Variants in TNIK observed in about 807,000 individuals in gnomAD.
TNIK encodes TRAF2 and NCK-interacting protein kinase.
Under a neutral mutation model 191.3 loss-of-function variants are expected in TNIK, and 49 were observed. The ratio of observed to expected loss-of-function variants is 0.26; its 90% confidence interval spans 0.20 to 0.32. The LOEUF (loss-of-function observed/expected upper bound fraction) is 0.32. Ranked by LOEUF, TNIK falls within the 10% of genes least tolerant of loss-of-function variation. The probability of loss-of-function intolerance (pLI) is 1.00; values close to 1 mark genes in which losing one functional copy is unlikely to be tolerated. For missense variants in TNIK, 1,155 were observed against 1,702.3 expected (o/e 0.68, Z 5.66); for synonymous variants, 594 against 600.9 (o/e 0.99, Z 0.17).
At chr3:171,168,484 A>G (rs1734893619) in intron 9 of TNIK, among the ~76,000 whole-genome samples, 1 of 152,172 alleles carries the variant, frequency 6.6e-6, no homozygotes, top group Admixed American at 6.5e-5. Flanking sequence ...ACACTCAAAC[A>G]TGACAGGGCA....
At chr3:171,273,435 G>A (rs1749367612) in intron 2 of TNIK, among the ~76,000 whole-genome samples, 1 of 152,174 alleles carries the variant, frequency 6.6e-6, no homozygotes, top group Admixed American at 6.5e-5. Context: ...GCCTGGGGCT[G>A]GGGTAGGGGT....
chr3:171,335,462 C>G (rs778382672), intron 2 of TNIK, among the ~76,000 whole-genome samples: 1 of 152,160 alleles, frequency 6.6e-6, no homozygotes, highest in Non-Finnish European at 1.5e-5. Context: ...GTTCATTGAT[C>G]TGTTCTCCAT....
At chr3:171,242,968 AAAT>A (rs1745160682) in intron 2 of TNIK, among the ~76,000 whole-genome samples, 1 of 152,220 alleles carries the variant, frequency 6.6e-6, no homozygotes, top group Non-Finnish European at 1.5e-5. Context: ...AAATCTTTGG[AAAT>A]AATAAATGCA....
chr3:171,244,072 T>TTTG (rs1284409004), intron 2 of TNIK, among the ~76,000 whole-genome samples: 2 of 151,094 alleles, frequency 1.3e-5, no homozygotes, highest in Non-Finnish European at 3.0e-5. Context: ...TTTTTTTTTT[T>TTTG]TTTTTTAAGA....
intron 30 of TNIK, among the ~76,000 whole-genome samples, chr3:171,067,932 G>C (rs768769596): frequency 6.6e-6 from 1 of 152,096 alleles, no homozygotes; most frequent in African/African-American, 2.4e-5. Flanking sequence ...AATGGCAGTC[G>C]TGTGTGTGTA....
intron 16 of TNIK, 75 bp from the exon 17 acceptor site, chr3:171,126,226 GGA>G: frequency 7.3e-7 from 1 of 1,363,544 alleles, no homozygotes; most frequent in Non-Finnish European, 9.5e-7. Flanking sequence ...GTGAGCTGAA[GGA>G]AAAAAAAAAA....
intron 12 of TNIK, among the ~76,000 whole-genome samples, chr3:171,153,974 T>C (rs924974118): frequency 1.3e-5 from 2 of 152,220 alleles, no homozygotes; most frequent in South Asian, 4.1e-4. Context: ...AATGGGAGAC[T>C]GTATTTCTAG....
At chr3:171,400,304 C>T (rs921778946) in intron 1 of TNIK, among the ~76,000 whole-genome samples, 2 of 152,110 alleles carry the variant, frequency 1.3e-5, no homozygotes, top group South Asian at 4.1e-4. Context: ...GTAGGTCACA[C>T]CTGTAATCCC....
chr3:171,382,040 C>G (rs1208798634), intron 1 of TNIK, among the ~76,000 whole-genome samples: 1 of 152,180 alleles, frequency 6.6e-6, no homozygotes, highest in Non-Finnish European at 1.5e-5. Context: ...CCTTAACCCA[C>G]TAATATTTTG....
chr3:171,293,799 G>T (rs940483526), intron 2 of TNIK, among the ~76,000 whole-genome samples: 8 of 152,076 alleles, frequency 5.3e-5, no homozygotes, highest in African/African-American at 1.9e-4. Flanking sequence ...AAAATAATAG[G>T]CCAGGTGCAG....
chr3:171,158,179 C>T (rs777984845), intron 11 of TNIK, among the ~76,000 whole-genome samples: 9 of 152,180 alleles, frequency 5.9e-5, no homozygotes, highest in African/African-American at 1.4e-4. Context: ...GATGGAAAAC[C>T]CTTGAGTCAA....
chr3:171,126,270 A>G, intron 16 of TNIK, 119 bp from the exon 17 acceptor site: 4 of 1,282,084 alleles, frequency 3.1e-6, no homozygotes, highest in Non-Finnish European at 4.1e-6. Flanking sequence ...TGGACTATAG[A>G]GAGTCTATCA....
chr3:171,069,034 A>C, intron 29 of TNIK, 37 bp from the exon 30 acceptor site: 1 of 1,572,922 alleles, frequency 6.4e-7, no homozygotes, highest in Non-Finnish European at 8.6e-7. Flanking sequence ...GCATCACTCA[A>C]AGAGGCATCT....
intron 14 of TNIK, 73 bp downstream of exon 14, chr3:171,139,397 C>CAG (rs2108629044): frequency 7.4e-7 from 1 of 1,343,762 alleles, no homozygotes; most frequent in East Asian, 2.3e-5. Context: ...CACACACACA[C>CAG]ACACACACAC....
chr3:171,116,924 T>C (rs1281657030), intron 18 of TNIK, among the ~76,000 whole-genome samples: 2 of 152,204 alleles, frequency 1.3e-5, no homozygotes, highest in East Asian at 3.8e-4. Context: ...CCTATTGATA[T>C]TGCAGTCTGA....
intron 2 of TNIK, among the ~76,000 whole-genome samples, chr3:171,296,458 G>A (rs1195213501): frequency 1.3e-5 from 2 of 152,152 alleles, no homozygotes; most frequent in African/African-American, 4.8e-5. Context: ...TTGCTTGTTA[G>A]TTACATTGAT....
chr3:171,100,043 C>A (rs1723249894), intron 22 of TNIK, among the ~76,000 whole-genome samples: 1 of 152,180 alleles, frequency 6.6e-6, no homozygotes, highest in Admixed American at 6.5e-5. Flanking sequence ...TTCAGCAGGG[C>A]TATCACATAG....
intron 6 of TNIK, 82 bp downstream of exon 6, chr3:171,190,615 A>C (rs1309424208): frequency 1.0e-5 from 11 of 1,089,012 alleles, no homozygotes; most frequent in Admixed American, 2.4e-5. Context: ...CACGGTGACA[A>C]ATTAACATTA....
At chr3:171,194,487 G>T in intron 5 of TNIK, 38 bp downstream of exon 5, 1 of 1,565,194 alleles carries the variant, frequency 6.4e-7, no homozygotes. Context: ...GTTGCTTGAA[G>T]ACTTTGGGAG....
Sources: allele counts gnomAD v4.1 joint callset (sites outside exome capture counted in the v4.1 genomes callset), GRCh38; gene constraint gnomAD v4.1.1; transcripts MANE v1.5; gene names NCBI Gene and HGNC (gene_info 2026-07-23, HGNC 2026-07-21).